Variants in NFX1 observed in about 807,000 individuals in gnomAD.
NFX1 encodes the protein transcriptional repressor NF-X1.
In NFX1, 69 loss-of-function variants were observed where a neutral mutation model predicts 137.2. That is an observed-to-expected ratio of 0.50 (90% CI 0.41 to 0.61). NFX1 has a LOEUF of 0.61. Among genes scored for constraint, NFX1 ranks in the 20% least tolerant of loss-of-function variants. The probability of loss-of-function intolerance (pLI) is 0.00; values close to 1 mark genes in which losing one functional copy is unlikely to be tolerated. For missense variants in NFX1, 1,167 were observed against 1,391.0 expected (o/e 0.84, Z 2.56); for synonymous variants, 495 against 474.1 (o/e 1.04, Z -0.57).
intron 15 of NFX1, among the ~76,000 whole-genome samples, chr9:33,351,167 A>C (rs910722153): frequency 1.5e-4 from 23 of 149,376 alleles, no homozygotes; most frequent in African/African-American, 5.7e-4. Context: ...AATAAATACA[A>C]ACTGTTATTG....
intron 19 of NFX1, among the ~76,000 whole-genome samples, chr9:33,358,715 TGC>T (rs1823897332): frequency 7.9e-6 from 1 of 126,920 alleles, no homozygotes; most frequent in Non-Finnish European, 1.6e-5. Context: ...CAGGCTGGAG[TGC>T]AATGGCACAA....
At chr9:33,321,510 G>A (rs1301837374) in intron 9 of NFX1, among the ~76,000 whole-genome samples, 2 of 152,102 alleles carry the variant, frequency 1.3e-5, no homozygotes, top group African/African-American at 2.4e-5. Context: ...CTACTTTAAA[G>A]ATGGTAGCAT....
At chr9:33,340,700 C>A (rs1823189562) in intron 12 of NFX1, among the ~76,000 whole-genome samples, 1 of 152,158 alleles carries the variant, frequency 6.6e-6, no homozygotes, top group Non-Finnish European at 1.5e-5. Context: ...TAACAGCACC[C>A]AAGTCACCTC....
intron 17 of NFX1, among the ~76,000 whole-genome samples, chr9:33,353,306 C>G (rs963917872): frequency 2.0e-4 from 30 of 152,194 alleles, no homozygotes; most frequent in African/African-American, 7.0e-4. Flanking sequence ...CTGTGCTCCT[C>G]TGGTGTGAGG....
At chr9:33,367,051 G>A (rs1004219933) in intron 22 of NFX1, among the ~76,000 whole-genome samples, 1 of 152,256 alleles carries the variant, frequency 6.6e-6, no homozygotes, top group Non-Finnish European at 1.5e-5. Flanking sequence ...CTTCAGGCAA[G>A]GGGGCCTGCC....
intron 9 of NFX1, among the ~76,000 whole-genome samples, chr9:33,322,622 C>T (rs1220481531): frequency 6.6e-6 from 1 of 152,160 alleles, no homozygotes; most frequent in Non-Finnish European, 1.5e-5. Flanking sequence ...GTCCTCACCC[C>T]AGCTCACTCG....
At chr9:33,312,361 C>G (rs1821992521) in intron 6 of NFX1, among the ~76,000 whole-genome samples, 1 of 152,158 alleles carries the variant, frequency 6.6e-6, no homozygotes, top group African/African-American at 2.4e-5. Flanking sequence ...TTACTGTTAG[C>G]CATGGTGCTA....
In NFX1 at chr9:33,338,497, T is replaced by C; in HGVS notation, c.2036-13T>C. The C allele has an allele frequency of 1.2e-6, 2 of 1,607,008 alleles. No homozygotes were observed. The highest frequency in any genetic ancestry group is 1.7e-6 in the Non-Finnish European group (2 of 1,177,614). On this transcript the variant is annotated splice_polypyrimidine_tract_variant and intron_variant, in intron 11 of 23. Coordinates refer to ENST00000379540, the MANE Select transcript of NFX1 (RefSeq NM_002504.6). ...TGTCTGGTTTTTTTTTTCTTTTTAA[T>C]TTGCCACAGCAGATGCTACATTTAT...
At chr9:33,367,672 C>T (rs979186913) in intron 23 of NFX1, 53 bp downstream of exon 23, 13 of 1,567,236 alleles carry the variant, frequency 8.3e-6, no homozygotes, top group Non-Finnish European at 9.6e-6. Context: ...GAAAAGCTAG[C>T]AGGGGCTGAA....
chr9:33,347,671 C>G, intron 15 of NFX1: 1 of 425,276 alleles, frequency 2.4e-6, no homozygotes, highest in Non-Finnish European at 4.7e-6. Context: ...AGCAGTCCCA[C>G]TACTGGGCGT....
At chr9:33,366,571 G>A in intron 21 of NFX1, 58 bp from the exon 22 acceptor site, 1 of 1,592,188 alleles carries the variant, frequency 6.3e-7, no homozygotes, top group Non-Finnish European at 8.6e-7. Flanking sequence ...AAGATTAGTT[G>A]TAAGCATTTT....
intron 19 of NFX1, among the ~76,000 whole-genome samples, chr9:33,362,763 G>C (rs369924690): frequency 1.4e-4 from 21 of 145,020 alleles, no homozygotes; most frequent in African/African-American, 5.2e-4. Context: ...TAGTGCAATG[G>C]CGCTATCTCA....
chr9:33,325,916 C>T (rs1205717869), intron 9 of NFX1, among the ~76,000 whole-genome samples: 1 of 152,104 alleles, frequency 6.6e-6, no homozygotes, highest in Non-Finnish European at 1.5e-5. Flanking sequence ...CATATTTCTT[C>T]TTCTCAACTG....
chr9:33,318,932 A>G lies in NFX1; in HGVS notation c.1711A>G (p.Thr571Ala). Residue 571 changes from threonine to alanine, a missense_variant, in exon 9 of 24, where the codon ACA becomes GCA. By Grantham distance (58) the Thr-to-Ala change is moderately conservative (BLOSUM62 0). This residue lies in a region of NFX1 where 488 missense variants were observed against 691.5 expected (regional missense o/e 0.71). Coordinates refer to ENST00000379540, the MANE Select transcript of NFX1 (RefSeq NM_002504.6). Reference protein sequence around the residue: ...CGKDLKCGNHTCSQVCHPQPC... With the variant: ...CGKDLKCGNHACSQVCHPQPC... ...CAGGGACTTGAAATGCGGTAACCATACATGTTCGCAAGTGTGCCACCCTCA... is the reference window on the plus strand; with the variant it reads ...CAGGGACTTGAAATGCGGTAACCATGCATGTTCGCAAGTGTGCCACCCTCA... 2.5e-6 allele frequency: 4 copies of G among 1,614,256 alleles called. No individual in the cohort carries two copies. Among genetic ancestry groups the G allele is most frequent in the East Asian group, 2.2e-5 (1 of 44,894 alleles).
chr9:33,356,477 T>C (rs2118659290), intron 19 of NFX1, among the ~76,000 whole-genome samples: 1 of 152,320 alleles, frequency 6.6e-6, no homozygotes, highest in South Asian at 2.1e-4. Flanking sequence ...AGAACTCTTG[T>C]TGTCTTTTGA....
At chr9:33,338,665 G>A (rs1823104411) in intron 12 of NFX1, 76 bp downstream of exon 12, 1 of 1,312,592 alleles carries the variant, frequency 7.6e-7, no homozygotes, top group Non-Finnish European at 1.1e-6. Flanking sequence ...GCCATGTGGA[G>A]AATGCAGCCC....
At chr9:33,321,695 G>A (rs1389509704) in intron 9 of NFX1, among the ~76,000 whole-genome samples, 1 of 152,076 alleles carries the variant, frequency 6.6e-6, no homozygotes, top group Non-Finnish European at 1.5e-5. Context: ...GGGCAACATG[G>A]CAAGACCCTG....
At chr9:33,355,683 C>T (rs995779767) in intron 19 of NFX1, among the ~76,000 whole-genome samples, 7 of 122,352 alleles carry the variant, frequency 5.7e-5, no homozygotes, top group South Asian at 2.5e-4. Context: ...TTTCTCTTGT[C>T]GCCTAGGCTG....
intron 3 of NFX1, among the ~76,000 whole-genome samples, chr9:33,301,655 T>A (rs903289224): frequency 2.0e-4 from 31 of 152,254 alleles, no homozygotes; most frequent in African/African-American, 7.2e-4. Context: ...TCAGTCACTC[T>A]TATTGAAAAT....
Sources: gnomAD v4.1 joint callset for allele counts (sites outside exome capture counted in the v4.1 genomes callset) on GRCh38, gnomAD v4.1.1 for gene constraint, gnomAD v4.1.1 regional missense constraint, MANE v1.5 for transcripts, NCBI Gene and HGNC (gene_info 2026-07-23, HGNC 2026-07-21) for gene names.